Variants in CCDC73 observed in about 807,000 individuals in gnomAD.
The protein encoded by CCDC73 is coiled-coil domain containing 73, also known as coiled-coil domain-containing protein 73.
A neutral mutation model predicts 116.5 loss-of-function variants in CCDC73; 95 were observed. That is an observed-to-expected ratio of 0.82 (90% confidence interval 0.69 to 0.97). CCDC73 has a LOEUF of 0.97. Ranked by LOEUF, CCDC73 falls within the 50% of genes least tolerant of loss-of-function variation. The pLI is 0.00. For missense variants in CCDC73, 1,066 were observed against 1,206.8 expected (o/e 0.88, Z 1.73); for synonymous variants, 398 against 401.3 (o/e 0.99, Z 0.10).
At chr11:32,740,936 G>A (rs1425249052) in intron 2 of CCDC73, among the ~76,000 whole-genome samples, 1 of 152,016 alleles carries the variant, frequency 6.6e-6, no homozygotes, top group Non-Finnish European at 1.5e-5. Flanking sequence ...TTGACCAACT[G>A]ATCATTCAGG....
At chr11:32,800,751 C>T in the CCDC73 span, among the ~76,000 whole-genome samples, 2 of 151,960 alleles carry the variant, frequency 1.3e-5, no homozygotes, top group Non-Finnish European at 2.9e-5. Context: ...GGATTTAGGA[C>T]GAAGTAGGAG....
rs192045964 is a variant in CCDC73 at position 32,740,126 on chromosome 11, G to A, written c.135+19983C>T. Among the ~76,000 whole-genome samples the A allele has an allele frequency of 6.9e-3, 1,004 of 146,008 alleles. 10 individuals are homozygous for A. Among genetic ancestry groups the A allele is most frequent in the African/African-American group, 0.023 (940 of 40,050 alleles). ...GTATCAATGTTCATCAGAGATATTA[G>A]CCTGTAGTTTTCTTTTTCTTTCTTT... On this transcript the variant is annotated intron_variant, in intron 2 of 17. Coordinates refer to ENST00000335185, the MANE Select transcript of CCDC73 (RefSeq NM_001008391.4).
At chr11:32,637,983 C>A (rs1855697431) in intron 13 of CCDC73, among the ~76,000 whole-genome samples, 1 of 152,164 alleles carries the variant, frequency 6.6e-6, no homozygotes, top group Admixed American at 6.5e-5. Flanking sequence ...AAATCTGCTT[C>A]TCCTTTCACA....
At chr11:32,792,108 A>C (rs981853420) in intron 1 of CCDC73, among the ~76,000 whole-genome samples, 1 of 152,160 alleles carries the variant, frequency 6.6e-6, no homozygotes, top group South Asian at 2.1e-4. Flanking sequence ...TGAATCGATG[A>C]CTTCTTTCAA....
chr11:32,763,988 T>G (rs1033680452), intron 1 of CCDC73, among the ~76,000 whole-genome samples: 4 of 152,128 alleles, frequency 2.6e-5, no homozygotes, highest in Non-Finnish European at 5.9e-5. Context: ...GCAACGGATT[T>G]GAGCAACTGA....
intron 2 of CCDC73, among the ~76,000 whole-genome samples, chr11:32,718,438 T>G (rs1377824839): frequency 6.6e-6 from 1 of 152,168 alleles, no homozygotes; most frequent in Non-Finnish European, 1.5e-5. Context: ...CGAAAAGTCC[T>G]TAATAAATTG....
the CCDC73 span, among the ~76,000 whole-genome samples, chr11:32,817,196 AC>A: frequency 2.0e-5 from 3 of 152,230 alleles, no homozygotes; most frequent in Non-Finnish European, 2.9e-5. Context: ...TATCTGAGCT[AC>A]ATTTGTTTTT....
intron 14 of CCDC73, among the ~76,000 whole-genome samples, chr11:32,617,798 C>T (rs1326591566): frequency 6.6e-6 from 1 of 152,172 alleles, no homozygotes; most frequent in Non-Finnish European, 1.5e-5. Context: ...TCAGTTTGAA[C>T]TTACTGAGTA....
rs1024627813 is a variant in CCDC73 at position 32,635,151 on chromosome 11, C to T, written c.1185+545G>A. On this transcript the variant is annotated intron_variant, in intron 14 of 17. Transcript: ENST00000335185. ...AAATAAATGGAAGCTATACCATGTTCATCGACTGGAAGACTCAATGCCAAA... is the reference window on the plus strand; with the variant it reads ...AAATAAATGGAAGCTATACCATGTTTATCGACTGGAAGACTCAATGCCAAA... Among the ~76,000 whole-genome samples the T allele has an allele frequency of 6.6e-4, 95 of 144,872 alleles. 1 individual carries two copies. The highest frequency in any genetic ancestry group is 1.4e-4 in the Non-Finnish European group (9 of 66,424).
At chr11:32,751,893 A>T (rs1480049163) in intron 2 of CCDC73, among the ~76,000 whole-genome samples, 1 of 152,168 alleles carries the variant, frequency 6.6e-6, no homozygotes, top group Non-Finnish European at 1.5e-5. Flanking sequence ...ACAATATTTT[A>T]TTAGGTCTCA....
At position 32,669,149 on chromosome 11, in the gene CCDC73, C is replaced by T. The variant is rs116640659; in HGVS notation, c.645+6416G>A. Among the ~76,000 whole-genome samples, 1,099 of 152,058 alleles carry T rather than the reference C, an allele frequency of 7.2e-3. 16 individuals are homozygous for T. The highest frequency in any genetic ancestry group is 0.025 in the African/African-American group (1,051 of 41,510). On this transcript the variant is annotated intron_variant, in intron 9 of 17. Transcript: ENST00000335185. ...TAAATCTAGTTGTTTCAGTAATTAA[C>T]GTCTTAAAAAATTATGAAATTAATT...
chr11:32,699,367 T>C, intron 5 of CCDC73, 42 bp from the exon 6 acceptor site: 1 of 1,480,918 alleles, frequency 6.8e-7, no homozygotes. Context: ...CCAATGTAAA[T>C]AATAATACAA....
At chr11:32,664,533 T>G (rs2133275007) in intron 9 of CCDC73, among the ~76,000 whole-genome samples, 1 of 152,356 alleles carries the variant, frequency 6.6e-6, no homozygotes, top group South Asian at 2.1e-4. Flanking sequence ...GATATCCCCT[T>G]TATCCTTTTT....
At chr11:32,821,225 G>T in the CCDC73 span, among the ~76,000 whole-genome samples, 4 of 151,966 alleles carry the variant, frequency 2.6e-5, no homozygotes, top group Non-Finnish European at 5.9e-5. Flanking sequence ...AATTTATTTT[G>T]AAGTAAGATG....
intron 14 of CCDC73, among the ~76,000 whole-genome samples, chr11:32,619,229 A>T (rs1855500958): frequency 6.6e-6 from 1 of 152,116 alleles, no homozygotes; most frequent in Non-Finnish European, 1.5e-5. Context: ...CTTAGTCATA[A>T]ATTCTTTCCC....
At chr11:32,766,001 C>CA (rs1406066610) in intron 1 of CCDC73, among the ~76,000 whole-genome samples, 1 of 151,930 alleles carries the variant, frequency 6.6e-6, no homozygotes, top group East Asian at 1.9e-4. Context: ...AGAGACACAA[C>CA]AAAAAAAGAG....
At chr11:32,666,045 GCTTCC>G (rs1371598574) in intron 9 of CCDC73, among the ~76,000 whole-genome samples, 2 of 152,210 alleles carry the variant, frequency 1.3e-5, no homozygotes, top group African/African-American at 2.4e-5. Flanking sequence ...AGTCTGATGG[GCTTCC>G]CTTTGTGGGT....
chr11:32,675,976 T>G lies in CCDC73; in HGVS notation c.475A>C (p.Lys159Gln), dbSNP rs756606423. 1.9e-6 allele frequency: 3 copies of G among 1,608,450 alleles called. No individual in the cohort carries two copies. The East Asian group carries it at 6.7e-5, about 36-fold the overall frequency. Residue 159 changes from lysine to glutamine, a missense_variant, in exon 8 of 18, where the codon AAG becomes CAG. Lys to Gln is a moderately conservative substitution (Grantham distance 53). Coordinates refer to ENST00000335185, the MANE Select transcript of CCDC73 (RefSeq NM_001008391.4). The stretch of plus-strand genomic sequence containing the variant: ...TATTTCTCAATTTCACTCAGTTGCT[T>G]ATGATAGTCTTCTTTAGCCAGAAGA... ...LHLLAKEDYH[K>Q]QLSEIEKYYA...
chr11:32,722,936 G>T (rs1470606635), intron 2 of CCDC73, among the ~76,000 whole-genome samples: 1 of 152,166 alleles, frequency 6.6e-6, no homozygotes, highest in Non-Finnish European at 1.5e-5. Context: ...AGTCACACAG[G>T]AGGTAAATGG....
Sources: gnomAD v4.1 joint callset for allele counts (sites outside exome capture counted in the v4.1 genomes callset) on GRCh38, gnomAD v4.1.1 for gene constraint, MANE v1.5 for transcripts, NCBI Gene and HGNC (gene_info 2026-07-23, HGNC 2026-07-21) for gene names.